NME8: variants seen among roughly 807,000 people sequenced by gnomAD.
NME8 encodes the protein NME/NM23 family member 8, also known as protein NME8.
Under a neutral mutation model 82.3 loss-of-function variants are expected in NME8, and 72 were observed. The ratio of observed to expected loss-of-function variants is 0.87; its 90% CI spans 0.72 to 1.06. The LOEUF (loss-of-function observed/expected upper bound fraction) is 1.06, where lower values mean the gene tolerates loss of function less well. Among genes scored for constraint, NME8 ranks in the 50% least tolerant of loss-of-function variants. The pLI is 0.00. For missense variants in NME8, 712 were observed against 685.4 expected, an observed-to-expected ratio of 1.04 and a Z score of -0.43; for synonymous variants, 267 against 228.5, an observed-to-expected ratio of 1.17 and a Z score of -1.52.
intron 11 of NME8, among the ~76,000 whole-genome samples, chr7:37,873,753 G>T (rs1784807344): frequency 6.6e-6 from 1 of 152,190 alleles, no homozygotes; most frequent in African/African-American, 2.4e-5. Context: ...CTTATGAAAG[G>T]ATAAGTAATG....
chr7:37,878,237 T>C (rs1784887035), intron 12 of NME8, among the ~76,000 whole-genome samples: 1 of 152,226 alleles, frequency 6.6e-6, no homozygotes, highest in Admixed American at 6.5e-5. Context: ...TTCCTTCATT[T>C]TGATAACATG....
chr7:37,885,344 C>A, intron 14 of NME8, 92 bp downstream of exon 14: 1 of 822,616 alleles, frequency 1.2e-6, no homozygotes, highest in East Asian at 2.7e-5. Flanking sequence ...CAGCTCTAGT[C>A]CAAGGGAGCT....
At chr7:37,894,328 T>C (rs1273268271) in intron 15 of NME8, 138 bp from the exon 16 acceptor site, 1 of 851,856 alleles carries the variant, frequency 1.2e-6, no homozygotes. Flanking sequence ...GGAATTTTAA[T>C]TTCGTTTGGC....
At chr7:37,869,291 T>C (rs1010900495) in intron 11 of NME8, among the ~76,000 whole-genome samples, 3 of 152,142 alleles carry the variant, frequency 2.0e-5, no homozygotes, top group Admixed American at 1.3e-4. Flanking sequence ...TTTTAAACAG[T>C]AGCAGTTACT....
chr7:37,860,372 T>C (rs1478918439), intron 6 of NME8, among the ~76,000 whole-genome samples: 2 of 152,214 alleles, frequency 1.3e-5, no homozygotes, highest in Non-Finnish European at 2.9e-5. Context: ...AAATTGCTGT[T>C]GCTAATGTAT....
At chr7:37,873,220 C>T (rs1000491966) in intron 11 of NME8, among the ~76,000 whole-genome samples, 17 of 152,040 alleles carry the variant, frequency 1.1e-4, no homozygotes, top group African/African-American at 3.1e-4. Flanking sequence ...ATTGGCCAGG[C>T]GTGGTGGCCC....
At chr7:37,858,234 C>T (rs968526873) in intron 6 of NME8, among the ~76,000 whole-genome samples, 2 of 152,068 alleles carry the variant, frequency 1.3e-5, no homozygotes, top group African/African-American at 4.8e-5. Context: ...TGGACTGTTC[C>T]TCCACTGTGG....
rs11761871 is a variant in NME8 at position 37,894,360 on chromosome 7, A to G, written c.1400-106A>G. ...TGGCAGAGTTTTGCCATGTTAAACC[A>G]CAATATGCAAATTAAACTATCATTT... On this transcript the variant is annotated intron_variant, in intron 15 of 17. Coordinates refer to ENST00000199447, the MANE Select transcript of NME8 (RefSeq NM_016616.5). 5 of 1,223,398 alleles carry G rather than the reference A, an allele frequency of 4.1e-6. No homozygotes were observed. In the African/African-American group the frequency reaches 7.5e-5, roughly 18 times the overall value. The allele number at this position is 1,223,398 out of a possible 1,614,324, so 75.8% of individuals were successfully genotyped here.
chr7:37,859,036 A>C (rs574370246), intron 6 of NME8, among the ~76,000 whole-genome samples: 20 of 152,236 alleles, frequency 1.3e-4, no homozygotes, highest in African/African-American at 4.6e-4. Context: ...AAGCTTCCTG[A>C]GGCCTCACCA....
intron 7 of NME8, among the ~76,000 whole-genome samples, chr7:37,862,923 C>T (rs1583629787): frequency 6.6e-6 from 1 of 152,016 alleles, no homozygotes; most frequent in South Asian, 2.1e-4. Context: ...AGATGGAGAC[C>T]AGCCTGGCCA....
intron 15 of NME8, 68 bp downstream of exon 15, chr7:37,888,496 A>G (rs1785077931): frequency 6.8e-7 from 1 of 1,480,352 alleles, no homozygotes; most frequent in Non-Finnish European, 9.2e-7. Flanking sequence ...TAAAAAATTT[A>G]CAATCAGAAA....
chr7:37,859,380 C>A (rs1156403998), intron 6 of NME8, among the ~76,000 whole-genome samples: 1 of 152,196 alleles, frequency 6.6e-6, no homozygotes, highest in Non-Finnish European at 1.5e-5. Flanking sequence ...CCTTTCCACT[C>A]TATGACATCT....
At chr7:37,870,791 C>G (rs1478167413) in intron 11 of NME8, among the ~76,000 whole-genome samples, 16 of 151,964 alleles carry the variant, frequency 1.1e-4, no homozygotes, top group Admixed American at 1.0e-3. Flanking sequence ...AACTAATATA[C>G]TTTTTGTCTG....
intron 12 of NME8, among the ~76,000 whole-genome samples, chr7:37,882,605 G>A (rs62444770): frequency 0.13 from 6,031 of 48,132 alleles, 343 homozygotes; most frequent in East Asian, 0.34. Context: ...GAAAGAGAGA[G>A]AGAGAGAGAG....
chr7:37,862,382 G>A (rs940175540), intron 7 of NME8, among the ~76,000 whole-genome samples: 5 of 152,142 alleles, frequency 3.3e-5, no homozygotes, highest in African/African-American at 4.8e-5. Context: ...CAATGCATGT[G>A]TATATATATT....
intron 6 of NME8, among the ~76,000 whole-genome samples, chr7:37,859,665 C>A (rs1242231105): frequency 6.6e-6 from 1 of 152,166 alleles, no homozygotes. Flanking sequence ...ACCTTCAGAT[C>A]AGGTCTATTG....
chr7:37,892,201 G>A (rs984512226), intron 15 of NME8, among the ~76,000 whole-genome samples: 2 of 151,904 alleles, frequency 1.3e-5, no homozygotes, highest in African/African-American at 4.8e-5. Flanking sequence ...ACTAACATAT[G>A]TCTGAGATTT....
chr7:37,890,823 A>G (rs1785119328), intron 15 of NME8, among the ~76,000 whole-genome samples: 1 of 151,974 alleles, frequency 6.6e-6, no homozygotes, highest in Admixed American at 6.6e-5. Flanking sequence ...CCATTCATCC[A>G]TCAATTTTTG....
intron 15 of NME8, 119 bp downstream of exon 15, chr7:37,888,547 C>A (rs748186988): frequency 1.2e-6 from 1 of 835,544 alleles, no homozygotes; most frequent in South Asian, 1.5e-5. Context: ...AGAAAAGTTG[C>A]GATGAGTACT....
Sources: allele counts gnomAD v4.1 joint callset (sites outside exome capture counted in the v4.1 genomes callset), GRCh38; gene constraint gnomAD v4.1.1; transcripts MANE v1.5; gene names NCBI Gene and HGNC (gene_info 2026-07-23, HGNC 2026-07-21).